Variants in MANBA observed in about 807,000 individuals in gnomAD.
MANBA encodes beta-mannosidase.
In MANBA, 83 loss-of-function variants were observed where a neutral mutation model predicts 111.1. The ratio of observed to expected loss-of-function variants is 0.75; its 90% CI spans 0.63 to 0.90. The LOEUF (loss-of-function observed/expected upper bound fraction) is 0.90, where lower values mean the gene tolerates loss of function less well. Among genes scored for constraint, MANBA ranks in the 40% least tolerant of loss-of-function variants. The pLI, the probability that MANBA is intolerant of heterozygous loss-of-function variation, is 0.00. For missense variants in MANBA, 1,036 were observed against 1,069.0 expected (o/e 0.97, Z 0.43); for synonymous variants, 370 against 378.7 (o/e 0.98, Z 0.27).
In MANBA at chr4:102,633,794, G is replaced by GA. The variant is rs1729495833; in HGVS notation, c.2415+993dup. Among the ~76,000 whole-genome samples, 4 of 150,628 alleles carry GA rather than the reference G, an allele frequency of 2.7e-5. No homozygotes were observed. The South Asian group carries it at 6.3e-4, about 24-fold the overall frequency. On this transcript the variant is annotated intron_variant, in intron 16 of 16. Transcript: ENST00000647097. ...ATAGTGGTTTTTTTTTTCTTTTTTG[G>GA]AAAAAAATATATGTAAGACTGTCAT...
rs1405451190 is a variant in MANBA, at chr4:102,760,673, A to G, written c.177+45T>C. 4 of 1,497,862 alleles carry G rather than the reference A, an allele frequency of 2.7e-6. No homozygotes were observed. The Admixed American group carries it at 8.2e-5, about 31-fold the overall frequency. 92.8% of individuals were successfully genotyped at this position (1,497,862 alleles called of 1,614,324 possible). Reference sequence around the variant, plus strand: ...GTTCCTGGGCCCCTCTCAGCACCAGAAGAAGGCGGGCGCAGGCTCGCCGCG... The same window carrying G: ...GTTCCTGGGCCCCTCTCAGCACCAGGAGAAGGCGGGCGCAGGCTCGCCGCG... On this transcript the variant is annotated intron_variant, in intron 1 of 16. Coordinates refer to ENST00000647097, the MANE Select transcript of MANBA (RefSeq NM_005908.4).
At chr4:102,749,404 G>A (rs1723704201) in intron 1 of MANBA, among the ~76,000 whole-genome samples, 1 of 152,202 alleles carries the variant, frequency 6.6e-6, no homozygotes, top group African/African-American at 2.4e-5. Context: ...ACAGAAAGAA[G>A]TGATATATGA....
chr4:102,690,532 A>T, intron 6 of MANBA, 64 bp downstream of exon 6: 1 of 1,477,500 alleles, frequency 6.8e-7, no homozygotes, highest in Middle Eastern at 1.7e-4. Flanking sequence ...CCTCCTTTCT[A>T]ATCATTTCTT....
At chr4:102,705,712 T>G (rs1230369325) in intron 5 of MANBA, among the ~76,000 whole-genome samples, 1 of 152,120 alleles carries the variant, frequency 6.6e-6, no homozygotes, top group Non-Finnish European at 1.5e-5. Context: ...TATGCCTGCC[T>G]ACCACAGCCA....
At chr4:102,677,759 GTCT>G (rs1731789508) in intron 7 of MANBA, among the ~76,000 whole-genome samples, 2 of 152,052 alleles carry the variant, frequency 1.3e-5, no homozygotes, top group African/African-American at 4.8e-5. Context: ...GAATCCCTTT[GTCT>G]CCTACTAAAC....
chr4:102,671,836 C>T, intron 8 of MANBA: 1 of 425,634 alleles, frequency 2.3e-6, no homozygotes, highest in African/African-American at 2.0e-5. Context: ...AGTAAATTTC[C>T]TTTCTACTTT....
At chr4:102,730,815 C>T in intron 1 of MANBA, 1 of 417,798 alleles carries the variant, frequency 2.4e-6, no homozygotes, top group South Asian at 1.9e-5. Flanking sequence ...ACTTTGTCCT[C>T]AAACTCAACT....
chr4:102,696,892 G>C (rs1191041685), intron 5 of MANBA, among the ~76,000 whole-genome samples: 1 of 152,084 alleles, frequency 6.6e-6, no homozygotes, highest in African/African-American at 2.4e-5. Context: ...ATATTTTCCG[G>C]TACTCCTGCC....
At chr4:102,704,736 G>GA (rs33916430) in intron 5 of MANBA, among the ~76,000 whole-genome samples, 6 of 148,174 alleles carry the variant, frequency 4.0e-5, no homozygotes, top group Admixed American at 6.7e-5. Flanking sequence ...GATAAAAATT[G>GA]AAAAAAAAAA....
rs371261579 is a variant in MANBA at position 102,718,254 on chromosome 4, C to T, written c.550-3693G>A. On this transcript the variant is annotated intron_variant, in intron 4 of 16. Coordinates refer to ENST00000647097, the MANE Select transcript of MANBA (RefSeq NM_005908.4). ...GACTTAAATCACAAGTGCGGTGTGGCGCATACTGAGCTTTAGGTCCCTGTG... is the reference window on the plus strand; with the variant it reads ...GACTTAAATCACAAGTGCGGTGTGGTGCATACTGAGCTTTAGGTCCCTGTG... Among the ~76,000 whole-genome samples the T allele has an allele frequency of 3.3e-4, 50 of 152,254 alleles. No individual in the cohort carries two copies. The South Asian group carries it at 5.6e-3, about 17-fold the overall frequency.
At chr4:102,730,280 T>C in intron 1 of MANBA, 2 of 552,748 alleles carry the variant, frequency 3.6e-6, no homozygotes, top group South Asian at 2.5e-5. Flanking sequence ...TATCGTCTCA[T>C]GACCGGAGGA....
chr4:102,671,663 T>C (rs1731504986), intron 8 of MANBA, among the ~76,000 whole-genome samples: 1 of 152,226 alleles, frequency 6.6e-6, no homozygotes, highest in South Asian at 2.1e-4. Context: ...AAATTTATGT[T>C]TTATATTTAG....
chr4:102,667,735 A>G (rs933815670), intron 10 of MANBA: 1 of 152,204 alleles, frequency 6.6e-6, no homozygotes, highest in African/African-American at 2.4e-5. Context: ...TGTTCTTTGT[A>G]TATCAACATT....
chr4:102,650,386 T>C lies in MANBA; in HGVS notation c.1869+151A>G, dbSNP rs767994547. The stretch of plus-strand genomic sequence containing the variant: ...AAAATGAACTATTTCATGTCCTATG[T>C]GTCATCATATATGTTCTTTGAAGAA... On this transcript the variant is annotated intron_variant, in intron 13 of 16. Transcript: ENST00000647097. 3.4e-4 allele frequency: 265 copies of C among 773,544 alleles called. 1 individual carries two copies. Among genetic ancestry groups the C allele is most frequent in the Middle Eastern group, 1.8e-3 (6 of 3,390 alleles). The allele number at this position is 773,544 out of a possible 1,614,324, so 47.9% of individuals were successfully genotyped here.
At chr4:102,635,776 T>C (rs879888247) in intron 15 of MANBA, 89 bp downstream of exon 15, 89 of 1,387,052 alleles carry the variant, frequency 6.4e-5, no homozygotes, top group Non-Finnish European at 8.4e-5. Flanking sequence ...TTAATTTCTC[T>C]TTTATTTTCC....
At chr4:102,713,308 C>T (rs1722165988) in intron 5 of MANBA, among the ~76,000 whole-genome samples, 1 of 152,172 alleles carries the variant, frequency 6.6e-6, no homozygotes, top group Admixed American at 6.5e-5. Flanking sequence ...CCATCTTCAT[C>T]CTTCATTTCC....
At chr4:102,694,220 T>C (rs1407160158) in intron 5 of MANBA, among the ~76,000 whole-genome samples, 1 of 152,144 alleles carries the variant, frequency 6.6e-6, no homozygotes, top group Non-Finnish European at 1.5e-5. Context: ...ACTAAGGTTG[T>C]AGAATTAAAA....
intron 7 of MANBA, among the ~76,000 whole-genome samples, chr4:102,684,369 C>G (rs921803483): frequency 6.6e-6 from 1 of 152,164 alleles, no homozygotes; most frequent in East Asian, 1.9e-4. Context: ...CTAGGCAAGT[C>G]TCATATAACC....
In MANBA at chr4:102,693,934, C is replaced by G. The variant is rs193106653; in HGVS notation, c.674-3163G>C. On this transcript the variant is annotated intron_variant, in intron 5 of 16. Coordinates refer to ENST00000647097, the MANE Select transcript of MANBA (RefSeq NM_005908.4). ...CCCTTTACACTGAATTTGAAATATA[C>G]TTCTCCTTAATATCCAACTAAAGAT... Among the ~76,000 whole-genome samples, 186 of 152,290 alleles carry G rather than the reference C, an allele frequency of 1.2e-3. 1 individual carries two copies. The highest frequency in any genetic ancestry group is 4.2e-3 in the African/African-American group (173 of 41,566).
Sources: allele counts gnomAD v4.1 joint callset (sites outside exome capture counted in the v4.1 genomes callset), GRCh38; gene constraint gnomAD v4.1.1; transcripts MANE v1.5; gene names NCBI Gene and HGNC (gene_info 2026-07-23, HGNC 2026-07-21).